FAT3: variants seen among roughly 807,000 people sequenced by gnomAD.
FAT3 encodes the protein FAT atypical cadherin 3, also known as protocadherin Fat 3.
A neutral mutation model predicts 310.2 loss-of-function variants in FAT3; 95 were observed. The ratio of observed to expected loss-of-function variants is 0.31; its 90% CI spans 0.26 to 0.36. FAT3 has a LOEUF of 0.36. Ranked by LOEUF, FAT3 falls within the 10% of genes least tolerant of loss-of-function variation. The pLI is 1.00. For missense variants in FAT3, 5,408 were observed against 5,715.6 expected (o/e 0.95, Z 1.74); for synonymous variants, 2,314 against 2,192.9 (o/e 1.06, Z -1.54).
intron 22 of FAT3, among the ~76,000 whole-genome samples, chr11:92,878,538 A>C (rs1852595377): frequency 6.6e-6 from 1 of 151,264 alleles, no homozygotes; most frequent in South Asian, 2.1e-4. Context: ...CTTGGAAAAA[A>C]CTGCAGGGAG....
chr11:92,299,719 A>C (rs116019855), intron 1 of FAT3, among the ~76,000 whole-genome samples: 1 of 152,146 alleles, frequency 6.6e-6, no homozygotes, highest in Non-Finnish European at 1.5e-5. Context: ...TAATTAATAT[A>C]TGTCTCTTCA....
intron 3 of FAT3, among the ~76,000 whole-genome samples, chr11:92,584,132 T>C (rs1938999444): frequency 6.6e-6 from 1 of 152,020 alleles, no homozygotes; most frequent in South Asian, 2.1e-4. Flanking sequence ...GGAAGTAACA[T>C]GTCTTGGATC....
Position 92,480,833 on chromosome 11 carries a change from A to G in FAT3, c.3293-43801A>G, listed in dbSNP as rs377429905. 2.5e-4 allele frequency among the ~76,000 whole-genome samples: 38 copies of G among 152,306 alleles called. No homozygotes were observed. In the South Asian group the frequency reaches 7.7e-3, roughly 31 times the overall value. On this transcript the variant is annotated intron_variant, in intron 2 of 27. Transcript: ENST00000525166. ...TGACCAGAAATGTCTAAATGAATCA[A>G]TCGTATGGAGTGAAGTTATGATTTC...
intron 9 of FAT3, among the ~76,000 whole-genome samples, chr11:92,794,986 C>G (rs1947132553): frequency 6.6e-6 from 1 of 152,220 alleles, no homozygotes; most frequent in Non-Finnish European, 1.5e-5. Context: ...TAACTTTTCT[C>G]ACACACATCA....
At position 92,774,282 on chromosome 11, in the gene FAT3, C is replaced by T. The variant is rs1004915712; in HGVS notation, c.4335+102C>T. ...ATGTAATGGAAGTAGTAAATTATGTCGACGGTTTTCTAGTGTTTAAAAAAA... is the reference window on the plus strand; with the variant it reads ...ATGTAATGGAAGTAGTAAATTATGTTGACGGTTTTCTAGTGTTTAAAAAAA... On this transcript the variant is annotated intron_variant, in intron 7 of 27. Transcript: ENST00000525166. 1.1e-5 allele frequency: 14 copies of T among 1,242,910 alleles called. No homozygotes were observed. The Admixed American group carries it at 1.6e-4, about 14-fold the overall frequency. 77.0% of individuals were successfully genotyped at this position (1,242,910 alleles called of 1,614,324 possible). A position where few individuals can be genotyped will look rare whatever the true frequency, so the allele number is the denominator to read the frequency against.
At chr11:92,840,477 T>TTTTGA in intron 17 of FAT3, 85 bp from the exon 18 acceptor site, 3 of 1,249,146 alleles carry the variant, frequency 2.4e-6, no homozygotes, top group Non-Finnish European at 3.2e-6. Flanking sequence ...ATGATGGTAT[T>TTTTGA]TTTGATTTGT....
intron 3 of FAT3, among the ~76,000 whole-genome samples, chr11:92,654,639 A>G (rs1414676302): frequency 2.6e-5 from 4 of 152,134 alleles, no homozygotes; most frequent in Admixed American, 6.5e-5. Context: ...AGTAAGTCCT[A>G]TTGGCCTGTC....
chr11:92,485,630 A>G (rs1302485890), intron 2 of FAT3, among the ~76,000 whole-genome samples: 1 of 152,204 alleles, frequency 6.6e-6, no homozygotes, highest in South Asian at 2.1e-4. Flanking sequence ...GTGAATGAAA[A>G]TATTTGTCTG....
At chr11:92,512,069 T>C (rs1220288170) in intron 2 of FAT3, among the ~76,000 whole-genome samples, 4 of 152,168 alleles carry the variant, frequency 2.6e-5, no homozygotes, top group African/African-American at 9.7e-5. Context: ...CTATTCAGTG[T>C]GCCACATTCC....
chr11:92,757,788 T>C (rs913827118), intron 4 of FAT3, among the ~76,000 whole-genome samples: 1 of 152,228 alleles, frequency 6.6e-6, no homozygotes, highest in African/African-American at 2.4e-5. Context: ...ACAAGGTTCC[T>C]GCTTTTGAGT....
intron 2 of FAT3, among the ~76,000 whole-genome samples, chr11:92,373,066 G>A (rs1285146747): frequency 1.3e-5 from 2 of 152,156 alleles, no homozygotes; most frequent in African/African-American, 2.4e-5. Flanking sequence ...GAAATTGGGA[G>A]GGAAGTAGAG....
chr11:92,541,006 A>G (rs921431537), intron 3 of FAT3, among the ~76,000 whole-genome samples: 3 of 152,200 alleles, frequency 2.0e-5, no homozygotes, highest in Admixed American at 6.6e-5. Flanking sequence ...TAGGCCATCC[A>G]TAGCATAAGA....
chr11:92,374,848 T>C (rs563882240), intron 2 of FAT3, among the ~76,000 whole-genome samples: 115 of 121,290 alleles, frequency 9.5e-4, no homozygotes, highest in Admixed American at 3.4e-3. Flanking sequence ...CAGCAGTTTT[T>C]TTTTTTAATT....
intron 3 of FAT3, among the ~76,000 whole-genome samples, chr11:92,640,164 C>T (rs1941908012): frequency 6.6e-6 from 1 of 152,004 alleles, no homozygotes. Flanking sequence ...CTAACTGATT[C>T]TGAAGACACA....
intron 3 of FAT3, among the ~76,000 whole-genome samples, chr11:92,647,606 C>T (rs1331851726): frequency 6.6e-6 from 1 of 152,144 alleles, no homozygotes; most frequent in Non-Finnish European, 1.5e-5. Context: ...AGCCCAATAG[C>T]ATTGAGGGCT....
At chr11:92,708,306 AGACACT>A (rs1469353655) in intron 4 of FAT3, among the ~76,000 whole-genome samples, 1 of 152,206 alleles carries the variant, frequency 6.6e-6, no homozygotes, top group East Asian at 1.9e-4. Context: ...ATCTCTTATA[AGACACT>A]GTCCTAATTG....
chr11:92,259,182 T>G (rs577218725), intron 1 of FAT3, among the ~76,000 whole-genome samples: 1 of 152,230 alleles, frequency 6.6e-6, no homozygotes, highest in East Asian at 1.9e-4. Flanking sequence ...GATTCTTTAT[T>G]TCAATTATTT....
intron 2 of FAT3, among the ~76,000 whole-genome samples, chr11:92,499,415 T>A (rs1414612537): frequency 6.6e-6 from 1 of 152,120 alleles, no homozygotes; most frequent in Non-Finnish European, 1.5e-5. Context: ...TTAAAAGTGA[T>A]TACCTAATGA....
chr11:92,577,409 A>AT (rs1357748125), intron 3 of FAT3, among the ~76,000 whole-genome samples: 1 of 151,838 alleles, frequency 6.6e-6, no homozygotes, highest in Non-Finnish European at 1.5e-5. Context: ...CACCCAGCCT[A>AT]TTTTTTCTTT....
Sources: allele counts gnomAD v4.1 joint callset (sites outside exome capture counted in the v4.1 genomes callset), GRCh38; gene constraint gnomAD v4.1.1; transcripts MANE v1.5; gene names NCBI Gene and HGNC (gene_info 2026-07-23, HGNC 2026-07-21).